The following OTC variants were observed in gnomAD, a reference collection of about 807,000 sequenced individuals.
OTC encodes the protein ornithine transcarbamylase, mitochondrial.
In OTC, 3 loss-of-function variants were observed where a neutral mutation model predicts 30.3. The ratio of observed to expected loss-of-function variants is 0.10; its 90% CI spans 0.05 to 0.26. The LOEUF (loss-of-function observed/expected upper bound fraction) is 0.26, where lower values mean the gene tolerates loss of function less well. OTC is among the 10% of genes least tolerant of loss of function. The pLI is 1.00. For synonymous variants in OTC, 111 were observed against 99.7 expected (o/e 1.11, Z -0.67); for missense variants, 194 against 260.3 (o/e 0.75, Z 1.75).
At chrX:38,364,440 T>C (rs1400150756) in intron 1 of OTC, among the ~76,000 whole-genome samples, 2 of 112,123 alleles carry the variant, frequency 1.8e-5, no homozygotes, top group Non-Finnish European at 3.8e-5. Context: ...TTTCTACATA[T>C]AAGCTGAAAA....
intron 8 of OTC, among the ~76,000 whole-genome samples, chrX:38,409,916 A>G (rs1347200759): frequency 2.7e-5 from 3 of 112,213 alleles, no homozygotes; most frequent in Non-Finnish European, 5.6e-5. Flanking sequence ...GACTATTCCT[A>G]GAGGTAGCCT....
the OTC span, among the ~76,000 whole-genome samples, chrX:38,343,806 C>T: frequency 8.9e-6 from 1 of 112,301 alleles, no homozygotes; most frequent in Non-Finnish European, 1.9e-5. Flanking sequence ...GCATTTCACA[C>T]TCTGTTCAGA....
intron 1 of OTC, among the ~76,000 whole-genome samples, chrX:38,364,453 G>GT (rs2068285593): frequency 8.9e-6 from 1 of 111,964 alleles, no homozygotes; most frequent in Non-Finnish European, 1.9e-5. Flanking sequence ...GCTGAAAACA[G>GT]TAATTTCTAT....
At chrX:38,384,198 G>T (rs2068390652) in intron 4 of OTC, among the ~76,000 whole-genome samples, 2 of 111,793 alleles carry the variant, frequency 1.8e-5, no homozygotes, top group Admixed American at 1.9e-4. Flanking sequence ...CTCAATGTGG[G>T]AGAATTGCAG....
At chrX:38,374,582 C>T (rs1220590528) in intron 3 of OTC, among the ~76,000 whole-genome samples, 2 of 111,394 alleles carry the variant, frequency 1.8e-5, no homozygotes, top group Non-Finnish European at 3.8e-5. Context: ...TACTCTTCTT[C>T]CTACCCCTAT....
chrX:38,345,508 A>G, the OTC span, among the ~76,000 whole-genome samples: 1 of 107,694 alleles, frequency 9.3e-6, no homozygotes, highest in Non-Finnish European at 1.9e-5. Context: ...GAGGGTCAGA[A>G]TTTTGTAGCC....
At chrX:38,403,026 G>T (rs1027781498) in intron 5 of OTC, among the ~76,000 whole-genome samples, 4 of 111,112 alleles carry the variant, frequency 3.6e-5, no homozygotes, top group Non-Finnish European at 5.7e-5. Flanking sequence ...TGACCAGGCT[G>T]GTCTCGAACT....
intron 3 of OTC, among the ~76,000 whole-genome samples, chrX:38,379,274 C>T (rs2068364691): frequency 8.9e-6 from 1 of 111,894 alleles, no homozygotes; most frequent in Non-Finnish European, 1.9e-5. Flanking sequence ...TTTGAGCTGA[C>T]TCAATAGCTG....
the OTC span, among the ~76,000 whole-genome samples, chrX:38,335,911 C>CT: frequency 4.5e-5 from 5 of 111,252 alleles, no homozygotes; most frequent in African/African-American, 1.6e-4. Context: ...GATCCCAACT[C>CT]TGAGTTTTTT....
chrX:38,405,388 T>C (rs1288116005), intron 6 of OTC, among the ~76,000 whole-genome samples: 1 of 111,460 alleles, frequency 9.0e-6, no homozygotes, highest in Non-Finnish European at 1.9e-5. Flanking sequence ...TCAGGGAGGA[T>C]CCTTTTTTGC....
intron 4 of OTC, among the ~76,000 whole-genome samples, chrX:38,399,471 A>G (rs1157567149): frequency 1.8e-4 from 20 of 111,641 alleles, no homozygotes. Context: ...CCAAGTTGCC[A>G]GGTGCGGTGG....
intron 6 of OTC, among the ~76,000 whole-genome samples, chrX:38,404,274 G>T (rs975897167): frequency 8.9e-6 from 1 of 112,107 alleles, no homozygotes; most frequent in African/African-American, 3.2e-5. Flanking sequence ...AATGACCCCT[G>T]CATACTTCCT....
intron 1 of OTC, among the ~76,000 whole-genome samples, chrX:38,362,766 T>C (rs746997141): frequency 8.9e-6 from 1 of 112,229 alleles, no homozygotes; most frequent in Non-Finnish European, 1.9e-5. Flanking sequence ...CTTTCTCCAG[T>C]CTGTCTTCTA....
At chrX:38,359,654 C>T (rs1193195872) in intron 1 of OTC, among the ~76,000 whole-genome samples, 1 of 111,351 alleles carries the variant, frequency 9.0e-6, no homozygotes, top group Non-Finnish European at 1.9e-5. Flanking sequence ...CTCCTGACGT[C>T]AGGTGATCTG....
upstream of OTC, among the ~76,000 whole-genome samples, chrX:38,349,162 G>T (rs973316871): frequency 5.4e-5 from 6 of 111,632 alleles, no homozygotes; most frequent in Non-Finnish European, 1.1e-4. Flanking sequence ...GATTTGGGAG[G>T]TAGTCCCAGG....
chrX:38,348,597 C>T (rs1381921555), upstream of OTC, among the ~76,000 whole-genome samples: 1 of 95,833 alleles, frequency 1.0e-5, no homozygotes, highest in Non-Finnish European at 2.0e-5. Flanking sequence ...AGTGCAGTGG[C>T]GCAATCTCGG....
rs1274633381 is a variant in OTC at position 38,352,648 on chromosome X, T to C, written c.-49T>C. On this transcript the variant is annotated 5_prime_UTR_variant, in exon 1 of 10. Coordinates refer to ENST00000039007, the MANE Select transcript of OTC (RefSeq NM_000531.6). ...AGGTGGCCCCCGCTGGCTAACTTGC[T>C]GTGGAGTTTTCAAGGGCATAGAATC... 2 of 998,470 alleles carry C rather than the reference T, an allele frequency of 2.0e-6. No individual in the cohort carries two copies. The highest frequency in any genetic ancestry group is 2.8e-6 in the Non-Finnish European group (2 of 702,853). 82.3% of individuals were successfully genotyped at this position (998,470 alleles called of 1,213,427 possible).
the OTC span, among the ~76,000 whole-genome samples, chrX:38,337,029 G>A: frequency 5.4e-5 from 6 of 110,832 alleles, no homozygotes; most frequent in Middle Eastern, 9.4e-3. Context: ...TTTCCTGATC[G>A]TTGGAAAGCC....
intron 2 of OTC, among the ~76,000 whole-genome samples, chrX:38,369,004 T>A: frequency 9.1e-6 from 1 of 109,822 alleles, no homozygotes; most frequent in Non-Finnish European, 1.9e-5. Context: ...AAGCAAAGTC[T>A]TTGTATTCCC....
Sources: allele counts gnomAD v4.1 joint callset (sites outside exome capture counted in the v4.1 genomes callset), GRCh38; gene constraint gnomAD v4.1.1; transcripts MANE v1.5; gene names NCBI Gene and HGNC (gene_info 2026-07-23, HGNC 2026-07-21).